The following XKR9 variants were observed in gnomAD, a reference collection of about 807,000 sequenced individuals.
The protein encoded by XKR9 is XK related 9.
A neutral mutation model predicts 32.0 loss-of-function variants in XKR9; 32 were observed. The observed-to-expected ratio is 1.00, with a 90% CI of 0.76 to 1.34. The LOEUF (loss-of-function observed/expected upper bound fraction) is 1.34, where lower values mean the gene tolerates loss of function less well. Ranked by LOEUF, XKR9 falls within the 40% of genes most tolerant of loss-of-function variation. The pLI is 0.00. For synonymous variants in XKR9, 168 were observed against 143.4 expected, an observed-to-expected ratio of 1.17 and a Z score of -1.22; for missense variants, 546 against 429.7, an observed-to-expected ratio of 1.27 and a Z score of -2.39.
At chr8:70,739,004 A>T (rs1268786163), downstream of XKR9, among the ~76,000 whole-genome samples, 2 of 152,130 alleles carry the variant, frequency 1.3e-5, no homozygotes, top group Non-Finnish European at 2.9e-5. Flanking sequence ...TGCAGAGCTG[A>T]GTTCAATTCC....
Position 70,685,490 on chromosome 8 carries a change from T to TATAATA in XKR9, c.272+4177_272+4182dup, listed in dbSNP as rs56223664. 5.9e-3 allele frequency among the ~76,000 whole-genome samples: 839 copies of TATAATA among 141,696 alleles called. 7 individuals are homozygous for TATAATA. Among genetic ancestry groups the TATAATA allele is most frequent in the Middle Eastern group, 0.047 (13 of 274 alleles). 93.0% of individuals were successfully genotyped at this position (141,696 alleles called of 152,430 possible). ...CACACATGTACCGTAAAACTTAAAG[T>TATAATA]ATAATAATAATAATAATAATAAAGA... is the stretch of plus-strand genomic sequence containing the variant. On this transcript the variant is annotated intron_variant, in intron 3 of 4. Transcript: ENST00000408926.
chr8:70,706,668 T>A (rs1246818505), intron 3 of XKR9, among the ~76,000 whole-genome samples: 1 of 152,054 alleles, frequency 6.6e-6, no homozygotes, highest in Non-Finnish European at 1.5e-5. Context: ...TTTTCTCACA[T>A]AATTATTGTA....
At chr8:71,048,797 G>A in the XKR9 span, among the ~76,000 whole-genome samples, 1 of 152,270 alleles carries the variant, frequency 6.6e-6, no homozygotes, top group South Asian at 2.1e-4. Context: ...CACGGCAATG[G>A]GATAAGTGCC....
chr8:70,855,203 C>T, the XKR9 span, among the ~76,000 whole-genome samples: 11 of 151,662 alleles, frequency 7.3e-5, no homozygotes, highest in South Asian at 2.1e-4. Flanking sequence ...AAGTTTGAAC[C>T]GATGGCAAAG....
At chr8:70,771,494 C>G (rs1807453031) in intron 2 of XKR9, among the ~76,000 whole-genome samples, 1 of 152,168 alleles carries the variant, frequency 6.6e-6, no homozygotes, top group Non-Finnish European at 1.5e-5. Context: ...CAACACTGAT[C>G]TATTCACCTC....
the XKR9 span, among the ~76,000 whole-genome samples, chr8:70,863,358 AC>A: frequency 6.6e-6 from 1 of 152,314 alleles, no homozygotes; most frequent in East Asian, 1.9e-4. Context: ...TCTAAAGGGT[AC>A]TATAGGTGGT....
At chr8:70,960,251 A>C in the XKR9 span, among the ~76,000 whole-genome samples, 100 of 70,712 alleles carry the variant, frequency 1.4e-3, no homozygotes, top group East Asian at 4.3e-3. Context: ...GTCCCCCCCA[A>C]AAAAAAAAAA....
In XKR9 at chr8:70,707,099, C is replaced by A. The variant is rs759435497; in HGVS notation, c.439C>A (p.Leu147Ile). The A allele has an allele frequency of 1.9e-6, 3 of 1,613,418 alleles. No homozygotes were observed. The South Asian group carries it at 3.3e-5, about 18-fold the overall frequency. The stretch of plus-strand genomic sequence containing the variant: ...GACCTACCTGGAAGGCTGCCCACAA[C>A]TTATTCTTCAACTCTACATTCTTCT... ...FETYLEGCPQ[L>I]ILQLYILLEH... Residue 147 changes from leucine (L) to isoleucine (I), a missense_variant, in exon 4 of 5, where the codon CTT (leucine) becomes ATT (isoleucine). Coordinates refer to ENST00000408926, the MANE Select transcript of XKR9 (RefSeq NM_001011720.2).
intron 4 of XKR9, among the ~76,000 whole-genome samples, chr8:70,729,776 C>T (rs901667100): frequency 8.6e-5 from 13 of 152,034 alleles, no homozygotes; most frequent in Non-Finnish European, 1.8e-4. Flanking sequence ...AATTTTGGAG[C>T]ATATACCTAT....
the XKR9 span, among the ~76,000 whole-genome samples, chr8:70,975,883 G>A: frequency 6.6e-6 from 1 of 152,160 alleles, no homozygotes; most frequent in Non-Finnish European, 1.5e-5. Context: ...AGCATGGAAT[G>A]TTCTTCCATT....
At chr8:70,951,475 T>C in the XKR9 span, among the ~76,000 whole-genome samples, 5 of 152,322 alleles carry the variant, frequency 3.3e-5, no homozygotes, top group South Asian at 6.2e-4. Context: ...AGAACAAATA[T>C]TTGTTAGCAC....
chr8:70,917,054 T>G, the XKR9 span, among the ~76,000 whole-genome samples: 1 of 152,184 alleles, frequency 6.6e-6, no homozygotes, highest in Non-Finnish European at 1.5e-5. Context: ...AGGCTTTGCA[T>G]GAACTGACTG....
At chr8:70,834,449 C>T in the XKR9 span, among the ~76,000 whole-genome samples, 3 of 152,094 alleles carry the variant, frequency 2.0e-5, no homozygotes, top group African/African-American at 7.2e-5. Flanking sequence ...ACATGTGCTA[C>T]TGCTAATCTA....
chr8:71,043,010 T>A, the XKR9 span, among the ~76,000 whole-genome samples: 1 of 152,214 alleles, frequency 6.6e-6, no homozygotes, highest in African/African-American at 2.4e-5. Flanking sequence ...CTCCCTGACT[T>A]TTCCAGCTAC....
chr8:70,978,906 C>T, the XKR9 span, among the ~76,000 whole-genome samples: 2 of 152,100 alleles, frequency 1.3e-5, no homozygotes, highest in African/African-American at 4.8e-5. Context: ...TCCCATAGTC[C>T]CATATTTCTT....
chr8:70,681,137 T>C lies in XKR9; in HGVS notation c.79T>C (p.Trp27Arg), dbSNP rs1177035506. 3 of 1,613,502 alleles carry C rather than the reference T, an allele frequency of 1.9e-6. No homozygotes were observed. The highest frequency in any genetic ancestry group is 2.7e-5 in the African/African-American group (2 of 75,020). Residue 27 changes from tryptophan (W) to arginine (R), a missense_variant, in exon 3 of 5, where the codon TGG becomes CGG. Transcript: ENST00000408926. ...CGTAACTGATTTAATTGTGGACATA[T>C]GGGTATCTGTCAGATTTTTCCATGA... ...IYVTDLIVDI[W>R]VSVRFFHEGQ...
At chr8:70,689,383 C>T (rs919258496) in intron 3 of XKR9, among the ~76,000 whole-genome samples, 2 of 150,734 alleles carry the variant, frequency 1.3e-5, no homozygotes, top group African/African-American at 4.9e-5. Flanking sequence ...ACTTTCATAC[C>T]TTGTTCATCA....
At chr8:70,716,328 A>G (rs936467052) in intron 4 of XKR9, among the ~76,000 whole-genome samples, 30 of 152,154 alleles carry the variant, frequency 2.0e-4, no homozygotes, top group African/African-American at 7.0e-4. Flanking sequence ...TGTAGTTATA[A>G]TAAGGTGTAT....
the XKR9 span, among the ~76,000 whole-genome samples, chr8:70,957,870 C>T: frequency 6.9e-6 from 1 of 143,888 alleles, no homozygotes; most frequent in Non-Finnish European, 1.5e-5. Context: ...TCACTGCAAC[C>T]TCTGCCTCCC....
Sources: gnomAD v4.1 joint callset for allele counts (sites outside exome capture counted in the v4.1 genomes callset) on GRCh38, gnomAD v4.1.1 for gene constraint, MANE v1.5 for transcripts, NCBI Gene and HGNC (gene_info 2026-07-23, HGNC 2026-07-21) for gene names.